The following DACH1 variants were observed in gnomAD, a reference collection of about 807,000 sequenced individuals.
The protein encoded by DACH1 is dachshund homolog 1.
Under a neutral mutation model 54.2 loss-of-function variants are expected in DACH1, and 12 were observed. The ratio of observed to expected loss-of-function variants is 0.22; its 90% CI spans 0.14 to 0.36. The LOEUF is 0.36. Ranked by LOEUF, DACH1 falls within the 10% of genes least tolerant of loss-of-function variation. The pLI is 1.00. For synonymous variants in DACH1, 386 were observed against 366.2 expected, an observed-to-expected ratio of 1.05 and a Z score of -0.62; for missense variants, 805 against 929.8, an observed-to-expected ratio of 0.87 and a Z score of 1.75.
At chr13:71,582,545 G>A (rs898987343) in intron 3 of DACH1, among the ~76,000 whole-genome samples, 3 of 152,084 alleles carry the variant, frequency 2.0e-5, no homozygotes, top group Non-Finnish European at 2.9e-5. Flanking sequence ...AATCAGTTAG[G>A]ATATCCAGTA....
At chr13:71,761,712 A>T (rs1452182933) in intron 1 of DACH1, among the ~76,000 whole-genome samples, 2 of 152,126 alleles carry the variant, frequency 1.3e-5, no homozygotes, top group Non-Finnish European at 2.9e-5. Flanking sequence ...TTTTTAAGTC[A>T]CTGGTGATGC....
In DACH1 at chr13:71,637,117, G is replaced by C. The variant is rs534995616; in HGVS notation, c.965-6400C>G. On this transcript the variant is annotated intron_variant, in intron 2 of 10. Coordinates refer to ENST00000613252, the MANE Select transcript of DACH1 (RefSeq NM_080759.6). ...ATGTATAATACAGTGGCTGGGGGGA[G>C]AGAGACACCCCAAAGAGCCATGCAA... is the stretch of plus-strand genomic sequence containing the variant. Among the ~76,000 whole-genome samples, 3 of 152,164 alleles carry C rather than the reference G, an allele frequency of 2.0e-5. 1 individual carries two copies. In the East Asian group the frequency reaches 5.8e-4, roughly 29 times the overall value.
At chr13:71,565,376 A>T (rs1884839720) in intron 4 of DACH1, among the ~76,000 whole-genome samples, 1 of 152,154 alleles carries the variant, frequency 6.6e-6, no homozygotes, top group Admixed American at 6.5e-5. Context: ...TTCTGGTTAC[A>T]TAAAATTAAA....
chr13:71,694,509 A>G (rs752134452), intron 1 of DACH1, among the ~76,000 whole-genome samples: 3 of 152,206 alleles, frequency 2.0e-5, no homozygotes, highest in African/African-American at 4.8e-5. Flanking sequence ...ACATTCATTG[A>G]ATTTTATTTA....
At chr13:71,552,792 AATATATATATATATATATATATATATAT>A (rs1160125775) in intron 6 of DACH1, among the ~76,000 whole-genome samples, 43 of 17,646 alleles carry the variant, frequency 2.4e-3, no homozygotes, top group East Asian at 7.8e-3. Context: ...TATGGATGTG[AATATATATATATATATATATATATATAT>A]ATATATATAT....
intron 6 of DACH1, among the ~76,000 whole-genome samples, chr13:71,536,031 T>C (rs1882768530): frequency 6.6e-6 from 1 of 152,072 alleles, no homozygotes; most frequent in Non-Finnish European, 1.5e-5. Flanking sequence ...TTGATAAAAC[T>C]ATTTACTTTT....
chr13:71,743,133 G>A (rs1217740990), intron 1 of DACH1, among the ~76,000 whole-genome samples: 4 of 152,098 alleles, frequency 2.6e-5, no homozygotes, highest in African/African-American at 9.7e-5. Flanking sequence ...GTTAAGCAAG[G>A]CTGTATAATA....
At chr13:71,466,386 ACTCT>A (rs1278207385) in intron 10 of DACH1, among the ~76,000 whole-genome samples, 1 of 151,818 alleles carries the variant, frequency 6.6e-6, no homozygotes, top group Non-Finnish European at 1.5e-5. Flanking sequence ...TCTGTTAATA[ACTCT>A]CTGTTTCAAT....
At chr13:71,637,344 G>C (rs995246147) in intron 2 of DACH1, among the ~76,000 whole-genome samples, 9 of 152,150 alleles carry the variant, frequency 5.9e-5, no homozygotes, top group African/African-American at 1.9e-4. Flanking sequence ...CTGAAACTGT[G>C]AAGTAACTCA....
At chr13:71,718,947 G>T (rs538616935) in intron 1 of DACH1, among the ~76,000 whole-genome samples, 2 of 151,984 alleles carry the variant, frequency 1.3e-5, no homozygotes, top group African/African-American at 2.4e-5. Flanking sequence ...AAATTATTAG[G>T]TAAGAAGATT....
At chr13:71,632,080 T>C (rs1196679451) in intron 2 of DACH1, among the ~76,000 whole-genome samples, 1 of 143,602 alleles carries the variant, frequency 7.0e-6, no homozygotes, top group Non-Finnish European at 1.5e-5. Flanking sequence ...TGAGACTCTG[T>C]CCCAAAAAAA....
chr13:71,468,072 G>C (rs1876754785), intron 10 of DACH1, among the ~76,000 whole-genome samples: 2 of 152,040 alleles, frequency 1.3e-5, no homozygotes, highest in Non-Finnish European at 2.9e-5. Flanking sequence ...ACGTGGTTAG[G>C]TAACATTAAA....
At chr13:71,501,711 T>C (rs1233756609) in intron 6 of DACH1, among the ~76,000 whole-genome samples, 1 of 152,192 alleles carries the variant, frequency 6.6e-6, no homozygotes, top group Non-Finnish European at 1.5e-5. Context: ...AAAGATTCTA[T>C]TAACTTATAA....
chr13:71,841,708 G>C (rs561129241), intron 1 of DACH1, among the ~76,000 whole-genome samples: 1 of 152,226 alleles, frequency 6.6e-6, no homozygotes, highest in South Asian at 2.1e-4. Context: ...CCTAGAAATG[G>C]GGAAAAACAA....
chr13:71,611,982 G>A (rs1238611322), intron 3 of DACH1, among the ~76,000 whole-genome samples: 3 of 152,020 alleles, frequency 2.0e-5, no homozygotes, highest in Non-Finnish European at 4.4e-5. Flanking sequence ...TTATTTGAGG[G>A]ACAATCGTAT....
intron 3 of DACH1, among the ~76,000 whole-genome samples, chr13:71,608,228 C>T (rs887845433): frequency 6.6e-6 from 1 of 151,804 alleles, no homozygotes; most frequent in Non-Finnish European, 1.5e-5. Flanking sequence ...TAGATTTAAA[C>T]CATGTGGGTA....
At chr13:71,637,199 C>T (rs1228784071) in intron 2 of DACH1, among the ~76,000 whole-genome samples, 2 of 152,020 alleles carry the variant, frequency 1.3e-5, no homozygotes, top group South Asian at 2.1e-4. Context: ...TATATAATGT[C>T]CCATGCTTCA....
At chr13:71,657,361 A>G (rs1466648533) in intron 2 of DACH1, among the ~76,000 whole-genome samples, 1 of 151,854 alleles carries the variant, frequency 6.6e-6, no homozygotes, top group Non-Finnish European at 1.5e-5. Flanking sequence ...GCATGGTGGC[A>G]TATGCCTATA....
At chr13:71,540,003 A>G (rs1202872591) in intron 6 of DACH1, among the ~76,000 whole-genome samples, 1 of 152,050 alleles carries the variant, frequency 6.6e-6, no homozygotes, top group Non-Finnish European at 1.5e-5. Context: ...TTCAGTATCA[A>G]TAAAATGATC....
Sources: allele counts gnomAD v4.1 joint callset (sites outside exome capture counted in the v4.1 genomes callset), GRCh38; gene constraint gnomAD v4.1.1; transcripts MANE v1.5; gene names NCBI Gene and HGNC (gene_info 2026-07-23, HGNC 2026-07-21).